The following NDC1 variants were observed in gnomAD, a reference collection of about 807,000 sequenced individuals.
NDC1 encodes the protein NDC1 transmembrane nucleoporin.
NDC1 carries 24 observed loss-of-function variants against 89.8 expected under a neutral mutation model. The observed-to-expected ratio is 0.27, with a 90% CI of 0.19 to 0.38. The LOEUF (loss-of-function observed/expected upper bound fraction) is 0.38, where lower values mean the gene tolerates loss of function less well. Ranked by LOEUF, NDC1 falls within the 10% of genes least tolerant of loss-of-function variation. The probability of loss-of-function intolerance (pLI) is 1.00; values close to 1 mark genes in which losing one functional copy is unlikely to be tolerated. For synonymous variants in NDC1, 296 were observed against 284.8 expected, an observed-to-expected ratio of 1.04 and a Z score of -0.39; for missense variants, 728 against 797.6, an observed-to-expected ratio of 0.91 and a Z score of 1.05.
At chr1:53,801,396 C>T (rs1647911488) in intron 10 of NDC1, among the ~76,000 whole-genome samples, 1 of 152,216 alleles carries the variant, frequency 6.6e-6, no homozygotes, top group African/African-American at 2.4e-5. Context: ...TCACACTTTA[C>T]ACTCAGAGAG....
intron 10 of NDC1, 38 bp downstream of exon 10, chr1:53,803,890 C>T (rs932274073): frequency 6.8e-6 from 10 of 1,477,960 alleles, no homozygotes; most frequent in Non-Finnish European, 9.5e-6. Context: ...ACTTTCTACA[C>T]ACATATGCCT....
At chr1:53,800,879 G>T in intron 10 of NDC1, 31 bp from the exon 11 acceptor site, 1 of 1,537,312 alleles carries the variant, frequency 6.5e-7, no homozygotes. Flanking sequence ...CTTTTAAAAT[G>T]TAAATAATCT....
At chr1:53,805,423 C>A (rs1181978145) in intron 9 of NDC1, among the ~76,000 whole-genome samples, 1 of 152,182 alleles carries the variant, frequency 6.6e-6, no homozygotes, top group Non-Finnish European at 1.5e-5. Flanking sequence ...CCAAGCTGGT[C>A]TTGAACTCCT....
chr1:53,766,180 C>T lies in NDC1; in HGVS notation c.*1790G>A, dbSNP rs1647064317. 1 of 149,616 alleles carries T rather than the reference C, an allele frequency of 6.7e-6. No individual in the cohort carries two copies. Among genetic ancestry groups the T allele is most frequent in the Non-Finnish European group, 1.5e-5 (1 of 67,320 alleles). The allele number at this position is 149,616 out of a possible 1,614,324, so 9.3% of individuals were successfully genotyped here. A position where few individuals can be genotyped will look rare whatever the true frequency, so the allele number is the denominator to read the frequency against. On this transcript the variant is annotated 3_prime_UTR_variant, in exon 18 of 18. Coordinates refer to ENST00000371429, the MANE Select transcript of NDC1 (RefSeq NM_018087.5). ...TATATAGGAAATGGCAAAAACCTAA[C>T]CTAGCTGGACATTTTATACAAGTAA... is the stretch of plus-strand genomic sequence containing the variant.
intron 16 of NDC1, 151 bp downstream of exon 16, chr1:53,787,007 A>C (rs1210732351): frequency 1.8e-6 from 1 of 551,758 alleles, no homozygotes; most frequent in Non-Finnish European, 3.2e-6. Flanking sequence ...TCTGTCTTTT[A>C]GATTGTAATT....
intron 6 of NDC1, among the ~76,000 whole-genome samples, chr1:53,815,354 C>A (rs1012004878): frequency 1.3e-5 from 2 of 152,186 alleles, no homozygotes; most frequent in Non-Finnish European, 2.9e-5. Flanking sequence ...ACAAAAATCA[C>A]ATGATCATCT....
chr1:53,778,366 T>C (rs1015092322), intron 16 of NDC1, among the ~76,000 whole-genome samples: 1 of 152,176 alleles, frequency 6.6e-6, no homozygotes, highest in Non-Finnish European at 1.5e-5. Context: ...TAAAGGACTA[T>C]AGACCCATAT....
intron 16 of NDC1, among the ~76,000 whole-genome samples, chr1:53,773,837 T>C (rs1570153434): frequency 6.6e-6 from 1 of 152,292 alleles, no homozygotes; most frequent in East Asian, 1.9e-4. Flanking sequence ...GACTGGGTGT[T>C]CTACTCTCTC....
At chr1:53,820,052 C>T (rs1234018428) in intron 5 of NDC1, among the ~76,000 whole-genome samples, 1 of 151,990 alleles carries the variant, frequency 6.6e-6, no homozygotes. Context: ...GTCAGGGGTT[C>T]GTAACCAGCC....
intron 13 of NDC1, among the ~76,000 whole-genome samples, chr1:53,796,058 C>T (rs1647686263): frequency 6.6e-6 from 1 of 152,198 alleles, no homozygotes; most frequent in South Asian, 2.1e-4. Context: ...CTGCTCCCAG[C>T]TCTCCCTTCA....
chr1:53,796,002 T>A (rs1398232417), intron 13 of NDC1, among the ~76,000 whole-genome samples: 1 of 152,122 alleles, frequency 6.6e-6, no homozygotes, highest in Non-Finnish European at 1.5e-5. Context: ...GTATCCACAT[T>A]GTTCTTCACA....
At chr1:53,814,654 G>C (rs533527393) in intron 6 of NDC1, among the ~76,000 whole-genome samples, 37 of 152,118 alleles carry the variant, frequency 2.4e-4, no homozygotes, top group African/African-American at 7.7e-4. Context: ...AAAGATAAAT[G>C]AAACAAAAAG....
At chr1:53,775,464 G>A (rs1647154917) in intron 16 of NDC1, among the ~76,000 whole-genome samples, 1 of 151,964 alleles carries the variant, frequency 6.6e-6, no homozygotes, top group East Asian at 1.9e-4. Context: ...TCACCATATT[G>A]GCCAGGCTGG....
At chr1:53,822,199 T>C (rs887842289) in intron 5 of NDC1, among the ~76,000 whole-genome samples, 1 of 152,186 alleles carries the variant, frequency 6.6e-6, no homozygotes, top group African/African-American at 2.4e-5. Context: ...TTGGGCGTGG[T>C]AGCGCACGCC....
chr1:53,833,604 T>C (rs1649135844), intron 2 of NDC1, among the ~76,000 whole-genome samples: 1 of 152,084 alleles, frequency 6.6e-6, no homozygotes, highest in African/African-American at 2.4e-5. Context: ...AGCCATACAT[T>C]ACATCATCTA....
intron 3 of NDC1, 136 bp from the exon 4 acceptor site, chr1:53,828,309 G>A: frequency 2.7e-6 from 2 of 727,414 alleles, no homozygotes; most frequent in Non-Finnish European, 3.9e-6. Context: ...ATACAATACA[G>A]AAAAATTTAA....
chr1:53,788,969 G>C (rs184500096), intron 15 of NDC1, among the ~76,000 whole-genome samples, 164 bp downstream of exon 15: 1 of 150,648 alleles, frequency 6.6e-6, no homozygotes, highest in East Asian at 1.9e-4. Flanking sequence ...ATCAAAATAC[G>C]CCTAAATATA....
At chr1:53,817,029 C>A (rs1334027912) in intron 6 of NDC1, among the ~76,000 whole-genome samples, 1 of 152,168 alleles carries the variant, frequency 6.6e-6, no homozygotes, top group East Asian at 1.9e-4. Context: ...AGGAACACTT[C>A]TACACTGCTT....
chr1:53,807,907 C>T (rs1174553074), intron 7 of NDC1, 116 bp from the exon 8 acceptor site: 1 of 927,768 alleles, frequency 1.1e-6, no homozygotes, highest in Non-Finnish European at 1.6e-6. Flanking sequence ...TGTTGACAGA[C>T]TCCTCTCCTT....
Sources: gnomAD v4.1 joint callset for allele counts (sites outside exome capture counted in the v4.1 genomes callset) on GRCh38, gnomAD v4.1.1 for gene constraint, MANE v1.5 for transcripts, NCBI Gene and HGNC (gene_info 2026-07-23, HGNC 2026-07-21) for gene names.